CCSER1: variants seen among roughly 807,000 people sequenced by gnomAD.
CCSER1 encodes the protein serine-rich coiled-coil domain-containing protein 1.
A neutral mutation model predicts 82.0 loss-of-function variants in CCSER1; 41 were observed. The observed-to-expected ratio is 0.50, with a 90% CI of 0.39 to 0.65. The LOEUF is 0.65. CCSER1 is among the 30% of genes least tolerant of loss of function. The pLI is 0.00. For missense variants in CCSER1, 1,119 were observed against 1,064.2 expected (o/e 1.05, Z -0.72); for synonymous variants, 414 against 383.9 (o/e 1.08, Z -0.92).
rs1756399779 is a variant in CCSER1 at position 91,459,839 on chromosome 4, TG to T, written c.2218-138732del. The stretch of plus-strand genomic sequence containing the variant: ...GTTATTCCAGTTTATAAAATTCTGT[TG>T]TTCACTTGCTTACTAGATTATTTTA... On this transcript the variant is annotated intron_variant, in intron 10 of 10. Coordinates refer to ENST00000509176, the MANE Select transcript of CCSER1 (RefSeq NM_001145065.2). Among the ~76,000 whole-genome samples the T allele has an allele frequency of 2.0e-5, 3 of 152,184 alleles. No homozygotes were observed. The South Asian group carries it at 6.2e-4, about 31-fold the overall frequency.
intron 9 of CCSER1, among the ~76,000 whole-genome samples, chr4:90,947,069 A>T (rs1004884881): frequency 1.3e-5 from 2 of 152,182 alleles, no homozygotes; most frequent in African/African-American, 4.8e-5. Context: ...TTAAATTTCC[A>T]CCCAGAAGTG....
At chr4:91,492,577 T>C (rs1318085573) in intron 10 of CCSER1, among the ~76,000 whole-genome samples, 1 of 152,104 alleles carries the variant, frequency 6.6e-6, no homozygotes, top group Non-Finnish European at 1.5e-5. Context: ...TGGCTCCATG[T>C]AGCTCCATGC....
chr4:91,589,574 C>CTT (rs11411865), intron 10 of CCSER1, among the ~76,000 whole-genome samples: 10,019 of 144,556 alleles, frequency 0.069, 441 homozygotes, highest in Non-Finnish European at 0.1. Context: ...ACAAGAGGCT[C>CTT]TTTTTTTTTT....
intron 10 of CCSER1, among the ~76,000 whole-genome samples, chr4:91,515,610 G>A (rs919631402): frequency 6.6e-6 from 1 of 152,054 alleles, no homozygotes; most frequent in East Asian, 1.9e-4. Context: ...ACCACTGATG[G>A]TCATTTAGGT....
At chr4:90,920,389 A>G (rs1307553514) in intron 8 of CCSER1, among the ~76,000 whole-genome samples, 1 of 151,976 alleles carries the variant, frequency 6.6e-6, no homozygotes, top group Non-Finnish European at 1.5e-5. Context: ...AACTTGAGTT[A>G]CCACTCTAAT....
At chr4:91,060,137 A>G (rs1272132927) in intron 9 of CCSER1, among the ~76,000 whole-genome samples, 1 of 152,026 alleles carries the variant, frequency 6.6e-6, no homozygotes, top group Non-Finnish European at 1.5e-5. Context: ...CCTTTTATTC[A>G]GTATCTTTAA....
intron 10 of CCSER1, among the ~76,000 whole-genome samples, chr4:91,136,115 C>A (rs1041647964): frequency 6.6e-6 from 1 of 152,146 alleles, no homozygotes; most frequent in African/African-American, 2.4e-5. Context: ...GTTTTGTCAT[C>A]CAAAATTCCT....
intron 10 of CCSER1, among the ~76,000 whole-genome samples, chr4:91,393,459 A>G (rs1265423403): frequency 6.6e-6 from 1 of 152,090 alleles, no homozygotes; most frequent in Non-Finnish European, 1.5e-5. Context: ...TATTTAGATG[A>G]AAATCTATAT....
chr4:90,683,859 T>C (rs1334329694), intron 6 of CCSER1, among the ~76,000 whole-genome samples: 4 of 151,982 alleles, frequency 2.6e-5, no homozygotes, highest in Non-Finnish European at 4.4e-5. Context: ...TCTAAAATTG[T>C]CTTTTGAGCC....
chr4:91,387,654 C>A (rs373798118), intron 10 of CCSER1, among the ~76,000 whole-genome samples: 2 of 151,900 alleles, frequency 1.3e-5, no homozygotes, highest in Non-Finnish European at 2.9e-5. Context: ...GGCCTCTGTA[C>A]CTTTCTGTGT....
chr4:91,432,126 C>T (rs1032185722), intron 10 of CCSER1, among the ~76,000 whole-genome samples: 5 of 152,154 alleles, frequency 3.3e-5, no homozygotes, highest in Admixed American at 2.6e-4. Flanking sequence ...TCCACCCCCT[C>T]TTGCTGCCTT....
At position 90,372,781 on chromosome 4, in the gene CCSER1, G is replaced by A. The variant is rs188446782; in HGVS notation, c.1510-27255G>A. ...CGTATAAAAAAAAAAGCTAGATTAG[G>A]GTTATACTTTTGGGGTTTTGAAATG... is the stretch of plus-strand genomic sequence containing the variant. On this transcript the variant is annotated intron_variant, in intron 3 of 10. Transcript: ENST00000509176. Among the ~76,000 whole-genome samples the A allele has an allele frequency of 1.6e-3, 242 of 151,930 alleles. 1 individual carries two copies. Among genetic ancestry groups the A allele is most frequent in the African/African-American group, 5.4e-3 (225 of 41,486 alleles).
chr4:90,210,499 A>G (rs1393729112), intron 1 of CCSER1, among the ~76,000 whole-genome samples: 1 of 151,286 alleles, frequency 6.6e-6, no homozygotes, highest in Admixed American at 6.6e-5. Context: ...GCTGAAGTGA[A>G]GTGGTGAAAT....
At chr4:90,430,490 A>G (rs1301129394) in intron 4 of CCSER1, among the ~76,000 whole-genome samples, 1 of 151,892 alleles carries the variant, frequency 6.6e-6, no homozygotes, top group Non-Finnish European at 1.5e-5. Flanking sequence ...TCTTTAAAGC[A>G]TATGTAAAAT....
rs557881784 is a variant in CCSER1, at chr4:90,228,672, C to T, written c.-41-79572C>T. On this transcript the variant is annotated intron_variant, in intron 1 of 10. Coordinates refer to ENST00000509176, the MANE Select transcript of CCSER1 (RefSeq NM_001145065.2). ...AAGGCTTCAGATGATCAAATTACTC[C>T]GAGCTACAGGAGGAAATTCAAACCA... Among the ~76,000 whole-genome samples, 272 of 152,184 alleles carry T rather than the reference C, an allele frequency of 1.8e-3. 2 individuals are homozygous for T. The highest frequency in any genetic ancestry group is 5.9e-3 in the African/African-American group (245 of 41,534).
intron 1 of CCSER1, among the ~76,000 whole-genome samples, chr4:90,217,983 G>A (rs1450129692): frequency 1.3e-5 from 2 of 151,754 alleles, no homozygotes; most frequent in African/African-American, 2.4e-5. Context: ...TTTATTGTAT[G>A]TAGGTGGGGG....
intron 1 of CCSER1, among the ~76,000 whole-genome samples, chr4:90,269,461 G>A (rs902094493): frequency 6.6e-6 from 1 of 151,944 alleles, no homozygotes; most frequent in African/African-American, 2.4e-5. Context: ...GATTAACAAG[G>A]AAACTGAAAA....
intron 5 of CCSER1, among the ~76,000 whole-genome samples, chr4:90,559,514 C>T (rs573893854): frequency 6.6e-5 from 10 of 152,092 alleles, no homozygotes; most frequent in Admixed American, 3.3e-4. Flanking sequence ...GAAGTCCCTT[C>T]GGCTGACTCT....
At chr4:91,491,380 G>C (rs535246403) in intron 10 of CCSER1, among the ~76,000 whole-genome samples, 1 of 151,990 alleles carries the variant, frequency 6.6e-6, no homozygotes, top group African/African-American at 2.4e-5. Context: ...ATGAGAAAAT[G>C]AACACAAAAT....
Sources: gnomAD v4.1 joint callset for allele counts (sites outside exome capture counted in the v4.1 genomes callset) on GRCh38, gnomAD v4.1.1 for gene constraint, MANE v1.5 for transcripts, NCBI Gene and HGNC (gene_info 2026-07-23, HGNC 2026-07-21) for gene names.